DYRK4: variants seen among roughly 807,000 people sequenced by gnomAD.
The protein encoded by DYRK4 is dual specificity tyrosine phosphorylation regulated kinase 4, also known as dual specificity tyrosine-phosphorylation-regulated kinase 4.
A neutral mutation model predicts 68.3 loss-of-function variants in DYRK4; 64 were observed. The ratio of observed to expected loss-of-function variants is 0.94; its 90% CI spans 0.77 to 1.15. DYRK4 has a LOEUF of 1.15. Among genes scored for constraint, DYRK4 ranks in the 50% most tolerant of loss-of-function variants. The probability of loss-of-function intolerance (pLI) is 0.00; values close to 1 mark genes in which losing one functional copy is unlikely to be tolerated. For synonymous variants in DYRK4, 274 were observed against 289.9 expected, an observed-to-expected ratio of 0.95 and a Z score of 0.56; for missense variants, 740 against 764.7, an observed-to-expected ratio of 0.97 and a Z score of 0.38.
intron 8 of DYRK4, 96 bp from the exon 9 acceptor site, chr12:4,598,932 G>T (rs1945048840): frequency 7.0e-7 from 1 of 1,436,960 alleles, no homozygotes. Flanking sequence ...CCTGCTACTA[G>T]ACGGAAACCA....
At chr12:4,610,020 T>TG in intron 12 of DYRK4, 135 bp from the exon 13 acceptor site, 1 of 523,008 alleles carries the variant, frequency 1.9e-6, no homozygotes. Context: ...GTGTGTGTGT[T>TG]TATTGGGGTG....
intron 2 of DYRK4, among the ~76,000 whole-genome samples, chr12:4,583,147 T>C (rs576108251): frequency 6.6e-6 from 1 of 152,250 alleles, no homozygotes; most frequent in Admixed American, 6.5e-5. Context: ...AGACAGAGTC[T>C]TGCTCCATGA....
intron 2 of DYRK4, among the ~76,000 whole-genome samples, chr12:4,571,179 G>C (rs1167153806): frequency 1.3e-5 from 2 of 152,132 alleles, no homozygotes; most frequent in Admixed American, 6.5e-5. Flanking sequence ...TCCTAGGGAG[G>C]GAAGCTGTTA....
chr12:4,590,157 T>C (rs939371021), intron 3 of DYRK4, 173 bp from the exon 4 acceptor site: 2 of 1,373,228 alleles, frequency 1.5e-6, no homozygotes, highest in African/African-American at 3.0e-5. Context: ...TTGTTGACTC[T>C]GCTGCTCTGG....
chr12:4,591,481 T>C lies in DYRK4; in HGVS notation c.463+183T>C. ...GACTGTGGTAGTATAAGCAAGAGGC[T>C]GAATAGGAGGCTGAATTTCCCCCAA... On this transcript the variant is annotated intron_variant, in intron 5 of 14. Transcript: ENST00000543431. The surrounding 1 kb of genome is among the most constrained non-coding windows in gnomAD (Gnocchi z 4.1). The C allele has an allele frequency of 1.2e-6, 1 of 810,506 alleles. No individual in the cohort carries two copies. Among genetic ancestry groups the C allele is most frequent in the Non-Finnish European group, 1.8e-6 (1 of 546,352 alleles). The allele number at this position is 810,506 out of a possible 1,614,324, so 50.2% of individuals were successfully genotyped here. A position where few individuals can be genotyped will look rare whatever the true frequency, so the allele number is the denominator to read the frequency against.
intron 4 of DYRK4, chr12:4,590,701 G>C: frequency 1.7e-6 from 1 of 601,404 alleles, no homozygotes; most frequent in Middle Eastern, 4.9e-4. Flanking sequence ...TACATAAAAG[G>C]TGGAACCATA....
At chr12:4,584,847 G>A (rs1310014223) in intron 2 of DYRK4, among the ~76,000 whole-genome samples, 2 of 152,116 alleles carry the variant, frequency 1.3e-5, no homozygotes, top group African/African-American at 2.4e-5. Context: ...GAGCCACCGC[G>A]CCTGGCCTCT....
At chr12:4,563,695 T>A (rs1309926196) in intron 1 of DYRK4, among the ~76,000 whole-genome samples, 1 of 152,018 alleles carries the variant, frequency 6.6e-6, no homozygotes, top group Non-Finnish European at 1.5e-5. Flanking sequence ...TGAAGAGAGG[T>A]TTGAAAAAAC....
intron 11 of DYRK4, 64 bp from the exon 12 acceptor site, chr12:4,607,263 C>T (rs1335379785): frequency 1.3e-6 from 2 of 1,596,356 alleles, no homozygotes; most frequent in African/African-American, 2.7e-5. Flanking sequence ...AAGTACGCTC[C>T]ACCCCTCAGC....
chr12:4,573,349 T>C, intron 2 of DYRK4: 1 of 1,289,646 alleles, frequency 7.8e-7, no homozygotes, highest in Non-Finnish European at 1.0e-6. Flanking sequence ...CTTTCTGAGA[T>C]CTACATGGTA....
chr12:4,609,118 G>A (rs73039874), intron 12 of DYRK4, among the ~76,000 whole-genome samples: 6,715 of 152,258 alleles, frequency 0.044, 203 homozygotes, highest in Non-Finnish European at 0.069. Flanking sequence ...ACATAGGCAT[G>A]TCTACTTCAT....
At position 4,596,188 on chromosome 12, in the gene DYRK4, G is replaced by T; in HGVS notation, c.667G>T (p.Glu223Ter). 1 of 1,614,214 alleles carries T rather than the reference G, an allele frequency of 6.2e-7. No homozygotes were observed. The highest frequency in any genetic ancestry group is 1.7e-5 in the Admixed American group (1 of 60,024). The change falls in exon 7 of 15, where the codon GAG (glutamate) becomes TAG (stop). Residue 223 changes from glutamate to a stop codon, truncating the protein, a stop_gained. Transcript: ENST00000543431. LOFTEE classifies it high-confidence loss of function. ...CATTGCCTACCGCTATGAAGTTCTG[G>T]AGACAATCGGGAAGGGGTCCTTTGG... is the stretch of plus-strand genomic sequence containing the variant. ...DHIAYRYEVLETIGKGSFGQV... is the reference protein window; with the variant it reads ...DHIAYRYEVL
At position 4,610,200 on chromosome 12, in the gene DYRK4, A is replaced by G; in HGVS notation, c.1406A>G (p.Lys469Arg). ...PKNITNNRGK[K>R]RYPDSKDLTM... ...AATATAACCAACAACAGGGGGAAAA[A>G]AAGATACCCAGATTCCAAGGACCTC... Residue 469 changes from lysine to arginine, a missense_variant, in exon 13 of 15, where the codon AAA becomes AGA. Around this residue, in one of 3 missense-constraint regions of DYRK4, gnomAD observed 614 missense variants for 603.7 expected, o/e 1.02. Coordinates refer to ENST00000543431, the MANE Select transcript of DYRK4 (RefSeq NM_001394779.1). The G allele has an allele frequency of 1.9e-6, 3 of 1,602,878 alleles. No individual in the cohort carries two copies. The highest frequency in any genetic ancestry group is 2.3e-5 in the South Asian group (2 of 88,576).
intron 13 of DYRK4, 153 bp downstream of exon 13, chr12:4,610,437 C>T: frequency 1.4e-6 from 1 of 733,808 alleles, no homozygotes; most frequent in Non-Finnish European, 2.1e-6. Context: ...ATTGCTTCCA[C>T]ATCTGTTGTT....
At chr12:4,569,890 C>T (rs530150973) in intron 2 of DYRK4, among the ~76,000 whole-genome samples, 3 of 152,086 alleles carry the variant, frequency 2.0e-5, no homozygotes, top group South Asian at 2.1e-4. Context: ...GTTGCAGTTA[C>T]GATGACGGGA....
chr12:4,592,958 A>C (rs751946437), intron 5 of DYRK4, 44 bp from the exon 6 acceptor site: 20 of 1,591,996 alleles, frequency 1.3e-5, no homozygotes, highest in Non-Finnish European at 1.6e-5. Context: ...GGCAAATCCC[A>C]TGCTGCCTCA....
intron 2 of DYRK4, among the ~76,000 whole-genome samples, chr12:4,580,660 G>T (rs1323014204): frequency 6.6e-6 from 1 of 152,110 alleles, no homozygotes. Context: ...CCCCCTCCCT[G>T]CATGAATGCA....
At chr12:4,580,886 G>A (rs568789967) in intron 2 of DYRK4, 31 of 455,936 alleles carry the variant, frequency 6.8e-5, no homozygotes, top group African/African-American at 5.0e-4. Context: ...TGACTGAGGC[G>A]GGATGGTGTG....
At position 4,584,835 on chromosome 12, in the gene DYRK4, G is replaced by C. The variant is rs1336142835; in HGVS notation, c.133-4102G>C. ...CTCCCAAAGTGCTGGGATTACAGGC[G>C]TGAGCCACCGCGCCTGGCCTCTAAT... On this transcript the variant is annotated intron_variant, in intron 2 of 14. Transcript: ENST00000543431. 3.3e-5 allele frequency among the ~76,000 whole-genome samples: 5 copies of C among 152,252 alleles called. No individual in the cohort carries two copies. The South Asian group carries it at 6.2e-4, about 19-fold the overall frequency.
Sources: allele counts gnomAD v4.1 joint callset (sites outside exome capture counted in the v4.1 genomes callset), GRCh38; gene constraint gnomAD v4.1.1; regional missense constraint gnomAD v4.1.1; non-coding constraint Gnocchi (gnomAD v3.1); transcripts MANE v1.5; gene names NCBI Gene and HGNC (gene_info 2026-07-23, HGNC 2026-07-21).